FAP: variants seen among roughly 807,000 people sequenced by gnomAD.
The protein encoded by FAP is fibroblast activation protein alpha.
Under a neutral mutation model 126.5 loss-of-function variants are expected in FAP, and 110 were observed. That is an observed-to-expected ratio of 0.87 (90% CI 0.74 to 1.02). FAP has a LOEUF of 1.02. FAP is among the 50% of genes least tolerant of loss of function. The pLI is 0.00. For missense variants in FAP, 919 were observed against 909.2 expected, an observed-to-expected ratio of 1.01 and a Z score of -0.14; for synonymous variants, 334 against 297.3, an observed-to-expected ratio of 1.12 and a Z score of -1.27.
chr2:162,243,134 G>T, intron 1 of FAP, 142 bp from the exon 2 acceptor site: 1 of 825,014 alleles, frequency 1.2e-6, no homozygotes, highest in East Asian at 2.6e-5. Flanking sequence ...TATAATTGCT[G>T]GAATTCTTCC....
At chr2:162,178,162 T>A (rs1445905187) in intron 21 of FAP, among the ~76,000 whole-genome samples, 1 of 152,184 alleles carries the variant, frequency 6.6e-6, no homozygotes, top group African/African-American at 2.4e-5. Flanking sequence ...TACTTATAAT[T>A]AGTCACTGGG....
At chr2:162,236,986 G>A (rs932831056) in intron 2 of FAP, among the ~76,000 whole-genome samples, 5 of 152,118 alleles carry the variant, frequency 3.3e-5, no homozygotes, top group South Asian at 2.1e-4. Context: ...ATCATAACCT[G>A]TATTTAAAAT....
chr2:162,186,582 T>A (rs1687874969), intron 20 of FAP, among the ~76,000 whole-genome samples: 1 of 152,096 alleles, frequency 6.6e-6, no homozygotes, highest in Non-Finnish European at 1.5e-5. Flanking sequence ...GTTGCGATGA[T>A]GACGATGATG....
chr2:162,226,754 C>G, intron 2 of FAP, 133 bp from the exon 3 acceptor site: 2 of 546,288 alleles, frequency 3.7e-6, no homozygotes, highest in East Asian at 6.8e-5. Context: ...TGTTGAACTC[C>G]TATCATCATA....
chr2:162,171,157 A>G, intron 25 of FAP, 77 bp from the exon 26 acceptor site: 1 of 1,013,032 alleles, frequency 9.9e-7, no homozygotes, highest in Non-Finnish European at 1.5e-6. Flanking sequence ...TTGTGCTCTC[A>G]GGACCTGATA....
In FAP at chr2:162,189,692, T is replaced by C. The variant is rs1292621507; in HGVS notation, c.1513A>G (p.Lys505Glu). The change falls in exon 18 of 26, where the codon AAA becomes GAA. Residue 505 changes from lysine (K) to glutamate (E), a missense_variant. Lys to Glu is a moderately conservative substitution (Grantham distance 56). Coordinates refer to ENST00000188790, the MANE Select transcript of FAP (RefSeq NM_004460.5). ...ENALKNIQLPKEEIKKLEVDE... is the reference protein window; with the variant it reads ...ENALKNIQLPEEEIKKLEVDE... ...ACTTCAAGTTTCTTAATTTCCTCTT[T>C]AGGCAGCTGGATATTTTTCAAAGCA... is the stretch of plus-strand genomic sequence containing the variant. 9 of 1,591,094 alleles carry C rather than the reference T, an allele frequency of 5.7e-6. No individual in the cohort carries two copies. Among genetic ancestry groups the C allele is most frequent in the Admixed American group, 3.5e-5 (2 of 57,926 alleles).
chr2:162,209,744 T>A, intron 12 of FAP: 1 of 540,298 alleles, frequency 1.9e-6, no homozygotes, highest in Non-Finnish European at 3.3e-6. Flanking sequence ...ATGAGGAGTA[T>A]GAGTTATTTT....
In FAP at chr2:162,213,932, C is replaced by G; in HGVS notation, c.1002+6G>C. 1 of 1,612,266 alleles carries G rather than the reference C, an allele frequency of 6.2e-7. No homozygotes were observed. Among genetic ancestry groups the G allele is most frequent in the East Asian group, 2.2e-5 (1 of 44,828 alleles). On this transcript the variant is annotated splice_donor_region_variant and intron_variant, in intron 11 of 25. Transcript: ENST00000188790. ...AATACGTATCTGTGATCTTAATATA[C>G]CCTACCTTTGGACAATCCCATGTCT... is the stretch of plus-strand genomic sequence containing the variant.
At chr2:162,172,962 A>T (rs1687367322) in intron 24 of FAP, 78 bp from the exon 25 acceptor site, 4 of 1,213,326 alleles carry the variant, frequency 3.3e-6, no homozygotes, top group Non-Finnish European at 3.7e-6. Flanking sequence ...CCTGGAAATG[A>T]ACACCAACAA....
Position 162,219,993 on chromosome 2 carries a change from T to C in FAP, c.414-68A>G, listed in dbSNP as rs373549751. Reference sequence around the variant, plus strand: ...TAATGCAAAAAAATAATAATCTGTATGAACAGAAAAAATAAACAAACAATG... The same window carrying C: ...TAATGCAAAAAAATAATAATCTGTACGAACAGAAAAAATAAACAAACAATG... On this transcript the variant is annotated intron_variant, in intron 6 of 25. Transcript: ENST00000188790. 20 of 1,059,334 alleles carry C rather than the reference T, an allele frequency of 1.9e-5. No individual in the cohort carries two copies. In the East Asian group the frequency reaches 2.6e-4, roughly 14 times the overall value. 65.6% of individuals were successfully genotyped at this position (1,059,334 alleles called of 1,614,324 possible).
At chr2:162,233,400 C>G (rs778214580) in intron 2 of FAP, among the ~76,000 whole-genome samples, 3 of 151,998 alleles carry the variant, frequency 2.0e-5, no homozygotes, top group Non-Finnish European at 2.9e-5. Context: ...TAGGCTTTAA[C>G]GGATGCCTAA....
intron 9 of FAP, among the ~76,000 whole-genome samples, chr2:162,217,279 G>A (rs368485972): frequency 1.3e-5 from 2 of 152,212 alleles, no homozygotes; most frequent in South Asian, 2.1e-4. Flanking sequence ...TTCTAAAATC[G>A]CATCCGATTC....
chr2:162,206,709 GCAAAA>G lies in FAP; in HGVS notation c.1047+3238_1047+3242del, dbSNP rs1340249567. ...TCTTCACTTTTCTGTCCTCTACAGA[GCAAAA>G]CAAAACAAACATGTTTTAAAAGCAA... On this transcript the variant is annotated intron_variant, in intron 12 of 25. Transcript: ENST00000188790. Among the ~76,000 whole-genome samples, 3 of 152,104 alleles carry G rather than the reference GCAAAA, an allele frequency of 2.0e-5. No homozygotes were observed. The South Asian group carries it at 6.2e-4, about 32-fold the overall frequency.
Position 162,221,135 on chromosome 2 carries a change from A to C in FAP, c.414-1210T>G, listed in dbSNP as rs192945015. On this transcript the variant is annotated intron_variant, in intron 6 of 25. Coordinates refer to ENST00000188790, the MANE Select transcript of FAP (RefSeq NM_004460.5). ...GAGTGGGGAGAGTGATTCCCATGGA[A>C]AGTGACCATTGGTGCTGCAATGAGA... Among the ~76,000 whole-genome samples the C allele has an allele frequency of 2.6e-5, 4 of 152,244 alleles. No individual in the cohort carries two copies. In the East Asian group the frequency reaches 7.7e-4, roughly 29 times the overall value.
chr2:162,194,638 C>G (rs1034597807), intron 17 of FAP, 63 bp downstream of exon 17: 273 of 1,451,914 alleles, frequency 1.9e-4, no homozygotes, highest in Middle Eastern at 5.2e-4. Context: ...CTTTCTCTAG[C>G]GGAGCATCAC....
At chr2:162,226,646 C>T in intron 2 of FAP, 25 bp from the exon 3 acceptor site, 2 of 1,248,778 alleles carry the variant, frequency 1.6e-6, no homozygotes, top group Non-Finnish European at 2.3e-6. Context: ...CAAATACATC[C>T]TTATTAAAAA....
intron 2 of FAP, among the ~76,000 whole-genome samples, chr2:162,238,329 C>T (rs1157770233): frequency 6.6e-6 from 1 of 152,176 alleles, no homozygotes; most frequent in Non-Finnish European, 1.5e-5. Context: ...CAAGGTATAT[C>T]TATGACTGGA....
At chr2:162,192,386 C>A (rs1175110981) in intron 17 of FAP, among the ~76,000 whole-genome samples, 1 of 152,040 alleles carries the variant, frequency 6.6e-6, no homozygotes, top group African/African-American at 2.4e-5. Context: ...CTCTTCTCCT[C>A]CCCTGCTTTC....
chr2:162,232,468 T>C (rs1196513705), intron 2 of FAP, among the ~76,000 whole-genome samples: 2 of 152,052 alleles, frequency 1.3e-5, no homozygotes, highest in African/African-American at 4.8e-5. Context: ...AACACAAAAA[T>C]AGGCAAGAAC....
Sources: gnomAD v4.1 joint callset for allele counts (sites outside exome capture counted in the v4.1 genomes callset) on GRCh38, gnomAD v4.1.1 for gene constraint, MANE v1.5 for transcripts, NCBI Gene and HGNC (gene_info 2026-07-23, HGNC 2026-07-21) for gene names.